The following IQSEC1 variants were observed in gnomAD, a reference collection of about 807,000 sequenced individuals.
The protein encoded by IQSEC1 is IQ motif and SEC7 domain-containing protein 1.
A neutral mutation model predicts 91.0 loss-of-function variants in IQSEC1; 31 were observed. The ratio of observed to expected loss-of-function variants is 0.34; its 90% CI spans 0.26 to 0.46. IQSEC1 has a LOEUF of 0.46. IQSEC1 is among the 20% of genes least tolerant of loss of function. The pLI is 1.00. For missense variants in IQSEC1, 1,388 were observed against 1,575.6 expected, an observed-to-expected ratio of 0.88 and a Z score of 2.02; for synonymous variants, 699 against 662.6, an observed-to-expected ratio of 1.05 and a Z score of -0.84.
At chr3:13,095,488 T>A (rs1705938700) in intron 2 of IQSEC1, among the ~76,000 whole-genome samples, 1 of 152,062 alleles carries the variant, frequency 6.6e-6, no homozygotes, top group Non-Finnish European at 1.5e-5. Context: ...ATTTGAGACA[T>A]GTGTTTCCTA....
Position 12,973,108 on chromosome 3 carries a change from T to A in IQSEC1, c.24-31243A>T, listed in dbSNP as rs553344928. Among the ~76,000 whole-genome samples the A allele has an allele frequency of 3.9e-5, 6 of 152,282 alleles. No homozygotes were observed. In the East Asian group the frequency reaches 1.2e-3, roughly 29 times the overall value. ...GGAATGAACTAGGGATTGCTGGAGGTGGTATAGGGTTGTCCACCCTGACCT... is the reference window on the plus strand; with the variant it reads ...GGAATGAACTAGGGATTGCTGGAGGAGGTATAGGGTTGTCCACCCTGACCT... On this transcript the variant is annotated intron_variant, in intron 1 of 13. Coordinates refer to ENST00000613206, the MANE Select transcript of IQSEC1 (RefSeq NM_001134382.3).
At chr3:13,179,864 C>T (rs565164893) in intron 1 of IQSEC1, among the ~76,000 whole-genome samples, 5 of 152,342 alleles carry the variant, frequency 3.3e-5, no homozygotes, top group African/African-American at 7.2e-5. Context: ...TGGCTGGCCC[C>T]GCCAGCCCCG....
chr3:13,255,443 C>T (rs1695269347), intron 1 of IQSEC1, among the ~76,000 whole-genome samples: 1 of 152,122 alleles, frequency 6.6e-6, no homozygotes, highest in African/African-American at 2.4e-5. Flanking sequence ...GAATATGTGC[C>T]CAGATTCAAA....
At chr3:13,113,596 G>A (rs1287022588) in intron 2 of IQSEC1, among the ~76,000 whole-genome samples, 6 of 152,298 alleles carry the variant, frequency 3.9e-5, no homozygotes, top group South Asian at 4.1e-4. Flanking sequence ...GAGAGAAGAC[G>A]AGGCCTCCAC....
intron 1 of IQSEC1, among the ~76,000 whole-genome samples, chr3:13,258,146 A>C (rs1271798391): frequency 6.6e-6 from 1 of 152,242 alleles, no homozygotes; most frequent in Non-Finnish European, 1.5e-5. Context: ...GTGTGATGCC[A>C]CAATGGCAGA....
chr3:12,937,718 T>C (rs1397505985), intron 2 of IQSEC1, among the ~76,000 whole-genome samples: 1 of 152,218 alleles, frequency 6.6e-6, no homozygotes, highest in Admixed American at 6.5e-5. Context: ...CGGGGGCAGC[T>C]GGGCTGGAAA....
At chr3:13,022,251 G>C in intron 1 of IQSEC1, 1 of 1,224,444 alleles carries the variant, frequency 8.2e-7, no homozygotes, top group Non-Finnish European at 1.0e-6. Context: ...AGCCCCCAAA[G>C]TTAGGGAAAA....
intron 12 of IQSEC1, among the ~76,000 whole-genome samples, 189 bp from the exon 13 acceptor site, chr3:12,903,011 G>A (rs1200227629): frequency 6.6e-6 from 1 of 152,064 alleles, no homozygotes; most frequent in Non-Finnish European, 1.5e-5. Flanking sequence ...GCCAGCAGCA[G>A]TGCAAGAATG....
At chr3:13,257,383 C>A (rs1022229425) in intron 1 of IQSEC1, among the ~76,000 whole-genome samples, 1 of 152,238 alleles carries the variant, frequency 6.6e-6, no homozygotes, top group Non-Finnish European at 1.5e-5. Context: ...TCTCAGCCCA[C>A]ACTGAACCCC....
intron 2 of IQSEC1, among the ~76,000 whole-genome samples, chr3:13,114,583 G>A (rs955026795): frequency 6.6e-6 from 1 of 152,136 alleles, no homozygotes; most frequent in Non-Finnish European, 1.5e-5. Flanking sequence ...CCTGAGGCCA[G>A]GAGTTCAATA....
chr3:13,105,342 C>T (rs1576252325), intron 2 of IQSEC1, among the ~76,000 whole-genome samples: 1 of 152,176 alleles, frequency 6.6e-6, no homozygotes, highest in African/African-American at 2.4e-5. Context: ...GGCCTGGAGT[C>T]CAGGGTCCTG....
intron 1 of IQSEC1, among the ~76,000 whole-genome samples, chr3:13,255,151 G>T (rs1695263676): frequency 6.6e-6 from 1 of 152,342 alleles, no homozygotes; most frequent in African/African-American, 2.4e-5. Flanking sequence ...TTCCAAACCA[G>T]CTGGGCTTTA....
At chr3:13,017,983 C>G (rs1384855847) in intron 1 of IQSEC1, among the ~76,000 whole-genome samples, 1 of 152,118 alleles carries the variant, frequency 6.6e-6, no homozygotes, top group African/African-American at 2.4e-5. Context: ...GGCTGGTGAC[C>G]CCTTCCTCAG....
Position 12,955,502 on chromosome 3 carries a change from C to T in IQSEC1, c.24-13637G>A, listed in dbSNP as rs548480292. Among the ~76,000 whole-genome samples the T allele has an allele frequency of 9.2e-5, 14 of 152,328 alleles. No homozygotes were observed. In the East Asian group the frequency reaches 2.7e-3, roughly 29 times the overall value. ...ACCCTGCAATCAACCCCAGCCAGGG[C>T]CTCTGCCTGGTGAGGTGTCACTACA... On this transcript the variant is annotated intron_variant, in intron 1 of 13. Coordinates refer to ENST00000613206, the MANE Select transcript of IQSEC1 (RefSeq NM_001134382.3).
chr3:13,272,265 A>G (rs1264240804), intron 1 of IQSEC1, among the ~76,000 whole-genome samples: 1 of 152,186 alleles, frequency 6.6e-6, no homozygotes, highest in East Asian at 1.9e-4. Flanking sequence ...CCCACTTCAC[A>G]GAATCATGGC....
At position 13,272,819 on chromosome 3, in the gene IQSEC1, T is replaced by A. The variant is rs1008593396; in HGVS notation, c.272+9892A>T. Among the ~76,000 whole-genome samples, 4 of 152,168 alleles carry A rather than the reference T, an allele frequency of 2.6e-5. No individual in the cohort carries two copies. In the East Asian group the frequency reaches 7.7e-4, roughly 29 times the overall value. ...ATTAAGACTCCACAACTTTAAAACA[T>A]GTGAAGAGGCTGCAGCGTTAAAGGG... On this transcript the variant is annotated intron_variant, in intron 1 of 15. Transcript: ENST00000648114.
intron 2 of IQSEC1, among the ~76,000 whole-genome samples, chr3:13,083,238 C>T (rs1705676551): frequency 6.6e-6 from 1 of 152,184 alleles, no homozygotes; most frequent in South Asian, 2.1e-4. Context: ...GACCTACGTG[C>T]CTACCCTGTC....
chr3:13,108,577 C>T (rs1413205478), intron 2 of IQSEC1, among the ~76,000 whole-genome samples: 4 of 152,086 alleles, frequency 2.6e-5, no homozygotes, highest in African/African-American at 9.7e-5. Flanking sequence ...CGAAACACCC[C>T]CCTACATTGT....
chr3:13,128,876 C>CAAAAAAA (rs34011478), intron 2 of IQSEC1, among the ~76,000 whole-genome samples: 16 of 87,424 alleles, frequency 1.8e-4, no homozygotes, highest in African/African-American at 6.2e-4. Context: ...GACTCTGTCT[C>CAAAAAAA]AAAAAAAAAA....
Sources: gnomAD v4.1 joint callset for allele counts (sites outside exome capture counted in the v4.1 genomes callset) on GRCh38, gnomAD v4.1.1 for gene constraint, MANE v1.5 for transcripts, NCBI Gene and HGNC (gene_info 2026-07-23, HGNC 2026-07-21) for gene names.